COL22A1: variants seen among roughly 807,000 people sequenced by gnomAD.
COL22A1 encodes the protein collagen type XXII alpha 1 chain.
In COL22A1, 221 loss-of-function variants were observed where a neutral mutation model predicts 248.9. The observed-to-expected ratio is 0.89, with a 90% CI of 0.80 to 0.99. COL22A1 has a LOEUF of 0.99. Among genes scored for constraint, COL22A1 ranks in the 50% least tolerant of loss-of-function variants. The pLI, the probability that COL22A1 is intolerant of heterozygous loss-of-function variation, is 0.00. For missense variants in COL22A1, 2,240 were observed against 2,179.0 expected, an observed-to-expected ratio of 1.03 and a Z score of -0.56; for synonymous variants, 891 against 793.4, an observed-to-expected ratio of 1.12 and a Z score of -2.07.
At chr8:138,610,682 T>C (rs989287877) in intron 56 of COL22A1, among the ~76,000 whole-genome samples, 1 of 152,174 alleles carries the variant, frequency 6.6e-6, no homozygotes, top group African/African-American at 2.4e-5. Context: ...CCACCCCGCA[T>C]GTGGTACGTG....
intron 51 of COL22A1, among the ~76,000 whole-genome samples, chr8:138,624,877 CAT>C (rs1228136394): frequency 6.6e-6 from 1 of 152,212 alleles, no homozygotes; most frequent in Non-Finnish European, 1.5e-5. Context: ...CATTCATCCA[CAT>C]GTTTCTTTTG....
chr8:138,886,676 A>T (rs997722341), intron 1 of COL22A1, among the ~76,000 whole-genome samples: 1 of 152,204 alleles, frequency 6.6e-6, no homozygotes, highest in African/African-American at 2.4e-5. Flanking sequence ...GAGTATTAAG[A>T]GCCTGTTTCA....
chr8:138,903,430 A>T (rs1385868986), intron 1 of COL22A1, among the ~76,000 whole-genome samples: 1 of 152,198 alleles, frequency 6.6e-6, no homozygotes, highest in Non-Finnish European at 1.5e-5. Flanking sequence ...TGTAGCAAAC[A>T]TGCTCATACA....
intron 43 of COL22A1, among the ~76,000 whole-genome samples, chr8:138,661,053 C>T (rs55889319): frequency 0.71 from 103,572 of 145,802 alleles, 38,674 homozygotes; most frequent in Non-Finnish European, 0.84. Context: ...CACACACACA[C>T]GCACACACAC....
At chr8:138,853,811 C>T (rs752799392) in intron 3 of COL22A1, among the ~76,000 whole-genome samples, 3 of 152,174 alleles carry the variant, frequency 2.0e-5, no homozygotes, top group East Asian at 1.9e-4. Context: ...GAAGGGAAGA[C>T]GAACACTTAC....
rs745785257 is a variant in COL22A1, at chr8:138,679,535, C to G, written c.3072+82G>C. 302 of 1,139,666 alleles carry G rather than the reference C, an allele frequency of 2.6e-4. 1 individual carries two copies. Among genetic ancestry groups the G allele is most frequent in the Non-Finnish European group, 3.9e-4 (293 of 750,576 alleles). The allele number at this position is 1,139,666 out of a possible 1,614,324, so 70.6% of individuals were successfully genotyped here. A position where few individuals can be genotyped will look rare whatever the true frequency, so the allele number is the denominator to read the frequency against. ...CTACTTATCAACTAAGACTCAGTCC[C>G]ATTATTTTGTTGTTATAAAGCTGCC... On this transcript the variant is annotated intron_variant, in intron 40 of 64. Coordinates refer to ENST00000303045, the MANE Select transcript of COL22A1 (RefSeq NM_152888.3).
chr8:138,793,270 G>A (rs1464486511), intron 12 of COL22A1, among the ~76,000 whole-genome samples: 1 of 152,116 alleles, frequency 6.6e-6, no homozygotes, highest in Admixed American at 6.5e-5. Flanking sequence ...GTCACGAGTG[G>A]CCTTCTACCC....
chr8:138,823,822 A>G (rs147350541), intron 6 of COL22A1, among the ~76,000 whole-genome samples: 2 of 152,190 alleles, frequency 1.3e-5, no homozygotes, highest in East Asian at 3.9e-4. Context: ...TTCTCTCTTC[A>G]TCTCTGTAAT....
chr8:138,804,005 G>C (rs1055388075), intron 10 of COL22A1, among the ~76,000 whole-genome samples: 1 of 152,166 alleles, frequency 6.6e-6, no homozygotes, highest in Non-Finnish European at 1.5e-5. Context: ...GGTCCTACCA[G>C]GTAGCAATGG....
intron 26 of COL22A1, 118 bp downstream of exon 26, chr8:138,721,918 G>A (rs1023212632): frequency 2.4e-6 from 2 of 825,686 alleles, no homozygotes; most frequent in African/African-American, 3.4e-5. Flanking sequence ...CATTTCAACT[G>A]AATCCTGATC....
At chr8:138,761,100 T>C (rs1833451532) in intron 17 of COL22A1, among the ~76,000 whole-genome samples, 1 of 152,310 alleles carries the variant, frequency 6.6e-6, no homozygotes, top group African/African-American at 2.4e-5. Flanking sequence ...AGCAAAGATC[T>C]GTAACCCCAC....
chr8:138,612,076 TA>T (rs1818907620), intron 56 of COL22A1, among the ~76,000 whole-genome samples: 1 of 152,070 alleles, frequency 6.6e-6, no homozygotes, highest in African/African-American at 2.4e-5. Context: ...ATGTGTCTTC[TA>T]TATGCTTGTA....
At chr8:138,657,497 G>A (rs1337337782) in intron 44 of COL22A1, among the ~76,000 whole-genome samples, 1 of 152,220 alleles carries the variant, frequency 6.6e-6, no homozygotes, top group African/African-American at 2.4e-5. Flanking sequence ...GAGAGAATGA[G>A]GAGTGGATTT....
chr8:138,686,238 C>T (rs927264875), intron 37 of COL22A1, among the ~76,000 whole-genome samples: 9 of 152,052 alleles, frequency 5.9e-5, no homozygotes, highest in South Asian at 2.1e-4. Flanking sequence ...GCATGGGCAC[C>T]GGGGTCGGCT....
chr8:138,731,463 G>C (rs1830701755), intron 23 of COL22A1, among the ~76,000 whole-genome samples: 1 of 152,092 alleles, frequency 6.6e-6, no homozygotes, highest in Non-Finnish European at 1.5e-5. Flanking sequence ...GGCAGACCAG[G>C]GGCAGGTCTG....
intron 32 of COL22A1, among the ~76,000 whole-genome samples, chr8:138,697,305 A>T (rs1177073613): frequency 2.0e-5 from 3 of 152,128 alleles, no homozygotes; most frequent in Non-Finnish European, 4.4e-5. Context: ...GGCTTTGGTC[A>T]TTGCCTGGGC....
intron 64 of COL22A1, among the ~76,000 whole-genome samples, chr8:138,590,977 T>A (rs1337002854): frequency 6.6e-6 from 1 of 152,172 alleles, no homozygotes; most frequent in Non-Finnish European, 1.5e-5. Context: ...TTAACAACTG[T>A]ATAGTGAAAG....
At chr8:138,663,652 C>T (rs1447918686) in intron 42 of COL22A1, 53 bp downstream of exon 42, 51 of 1,367,900 alleles carry the variant, frequency 3.7e-5, no homozygotes, top group Middle Eastern at 1.8e-4. Flanking sequence ...TGCTTTGATT[C>T]GAGCAGGATT....
At chr8:138,859,352 G>T (rs547508045) in intron 3 of COL22A1, among the ~76,000 whole-genome samples, 1 of 152,186 alleles carries the variant, frequency 6.6e-6, no homozygotes, top group Admixed American at 6.5e-5. Flanking sequence ...ACCATGTCGG[G>T]GCAGATGGCA....
Sources: allele counts gnomAD v4.1 joint callset (sites outside exome capture counted in the v4.1 genomes callset), GRCh38; gene constraint gnomAD v4.1.1; transcripts MANE v1.5; gene names NCBI Gene and HGNC (gene_info 2026-07-23, HGNC 2026-07-21).